The following PLXDC1 variants were observed in gnomAD, a reference collection of about 807,000 sequenced individuals.
The protein encoded by PLXDC1 is plexin domain-containing protein 1.
PLXDC1 carries 39 observed loss-of-function variants against 61.3 expected under a neutral mutation model. That is an observed-to-expected ratio of 0.64 (90% CI 0.49 to 0.83). The LOEUF (loss-of-function observed/expected upper bound fraction) is 0.83. Ranked by LOEUF, PLXDC1 falls within the 40% of genes least tolerant of loss-of-function variation. The pLI, the probability that PLXDC1 is intolerant of heterozygous loss-of-function variation, is 0.00. For missense variants in PLXDC1, 596 were observed against 666.5 expected, an observed-to-expected ratio of 0.89 and a Z score of 1.17; for synonymous variants, 212 against 254.5, an observed-to-expected ratio of 0.83 and a Z score of 1.59.
intron 2 of PLXDC1, among the ~76,000 whole-genome samples, chr17:39,110,741 G>C (rs753640030): frequency 2.6e-5 from 4 of 152,266 alleles, no homozygotes; most frequent in Non-Finnish European, 5.9e-5. Flanking sequence ...CCTGGGCGCA[G>C]CGTGAGCAGG....
Position 39,089,803 on chromosome 17 carries a change from T to A in PLXDC1, c.812-2101A>T, listed in dbSNP as rs151133729. 5.9e-5 allele frequency among the ~76,000 whole-genome samples: 9 copies of A among 152,214 alleles called. No individual in the cohort carries two copies. The East Asian group carries it at 1.7e-3, about 29-fold the overall frequency. On this transcript the variant is annotated intron_variant, in intron 7 of 13. Transcript: ENST00000315392. ...CATGGTTCACATAGTATCTCATTAT[T>A]TATTTACTTATTGAGACTGAGTCTC...
At chr17:39,068,790 G>T (rs141639268) in intron 13 of PLXDC1, among the ~76,000 whole-genome samples, 393 of 152,330 alleles carry the variant, frequency 2.6e-3, no homozygotes, top group Middle Eastern at 0.014. Flanking sequence ...ACTTCAGAAT[G>T]ACTAAGCCTC....
At chr17:39,086,295 C>A (rs1294256798) in intron 8 of PLXDC1, among the ~76,000 whole-genome samples, 1 of 150,864 alleles carries the variant, frequency 6.6e-6, no homozygotes. Flanking sequence ...AGTGTCCCAG[C>A]CCTGTGACCC....
chr17:39,079,490 C>A, intron 9 of PLXDC1: 1 of 478,786 alleles, frequency 2.1e-6, no homozygotes, highest in South Asian at 1.5e-5. Flanking sequence ...AGAATCCAGG[C>A]AATTCACATA....
At chr17:39,072,215 G>A (rs1337665802) in intron 12 of PLXDC1, 1 of 563,910 alleles carries the variant, frequency 1.8e-6, no homozygotes, top group Non-Finnish European at 3.2e-6. Context: ...AAGAACCACA[G>A]GAGGTTCAGG....
At position 39,085,980 on chromosome 17, in the gene PLXDC1, G is replaced by C. The variant is rs371878094; in HGVS notation, c.907+1627C>G. ...TCCTGGGGTATTCATAACACCTACTGACCTTTATTTCTCATCAACATTTCA... is the reference window on the plus strand; with the variant it reads ...TCCTGGGGTATTCATAACACCTACTCACCTTTATTTCTCATCAACATTTCA... On this transcript the variant is annotated intron_variant, in intron 8 of 13. Coordinates refer to ENST00000315392, the MANE Select transcript of PLXDC1 (RefSeq NM_020405.5). 2.6e-5 allele frequency among the ~76,000 whole-genome samples: 4 copies of C among 152,120 alleles called. No homozygotes were observed. In the East Asian group the frequency reaches 7.7e-4, roughly 29 times the overall value.
rs1055375883 is a variant in PLXDC1 at position 39,065,435 on chromosome 17, G to C, written c.*2405C>G. ...TTTTTCGGAGACAGGGTCTCACTCT[G>C]TCACCCAGGCTGGAGTACAGTGGCA... On this transcript the variant is annotated 3_prime_UTR_variant, in exon 14 of 14. Coordinates refer to ENST00000315392, the MANE Select transcript of PLXDC1 (RefSeq NM_020405.5). 8.0e-6 allele frequency: 1 copy of C among 125,236 alleles called. No individual in the cohort carries two copies. Among genetic ancestry groups the C allele is most frequent in the Non-Finnish European group, 1.6e-5 (1 of 62,638 alleles). The allele number at this position is 125,236 out of a possible 1,614,324, so 7.8% of individuals were successfully genotyped here. A position where few individuals can be genotyped will look rare whatever the true frequency, so the allele number is the denominator to read the frequency against.
At chr17:39,146,979 G>A (rs1415127847) in intron 1 of PLXDC1, among the ~76,000 whole-genome samples, 4 of 138,288 alleles carry the variant, frequency 2.9e-5, no homozygotes, top group Non-Finnish European at 4.6e-5. Flanking sequence ...TTTTTGAGAC[G>A]GAGTCTCGCT....
chr17:39,100,164 A>G (rs1287567305), intron 7 of PLXDC1, among the ~76,000 whole-genome samples: 2 of 152,072 alleles, frequency 1.3e-5, no homozygotes, highest in African/African-American at 4.8e-5. Context: ...AACCACATGA[A>G]AGCTCTGAAG....
At chr17:39,100,444 T>A (rs1169105199) in intron 7 of PLXDC1, among the ~76,000 whole-genome samples, 1 of 152,104 alleles carries the variant, frequency 6.6e-6, no homozygotes, top group African/African-American at 2.4e-5. Context: ...TTAGTAAGGA[T>A]GGGGTTTCGA....
intron 7 of PLXDC1, among the ~76,000 whole-genome samples, chr17:39,091,367 G>A (rs1909943587): frequency 6.6e-6 from 1 of 152,158 alleles, no homozygotes; most frequent in African/African-American, 2.4e-5. Flanking sequence ...TTTAGCCTTG[G>A]TCTTCCTTTC....
intron 1 of PLXDC1, 141 bp from the exon 2 acceptor site, chr17:39,139,973 A>C (rs1911882012): frequency 2.5e-6 from 2 of 794,824 alleles, no homozygotes; most frequent in East Asian, 5.4e-5. Context: ...CCAGGACAGG[A>C]GACACCCAAT....
Position 39,151,528 on chromosome 17 carries a change from C to G in PLXDC1, c.-91G>C, listed in dbSNP as rs1038696292. ...GCTCAGGCTGCGGCCGCGCGGTCCC[C>G]GGGGCTGGCGGAGGGGCGGGCGGCG... On this transcript the variant is annotated 5_prime_UTR_variant, in exon 1 of 14. Transcript: ENST00000315392. The surrounding 1 kb of genome is among the most constrained non-coding windows in gnomAD (Gnocchi z 5.2). The G allele has an allele frequency of 1.7e-5, 21 of 1,219,460 alleles. No individual in the cohort carries two copies. The highest frequency in any genetic ancestry group is 2.1e-5 in the Non-Finnish European group (21 of 980,166). 75.5% of individuals were successfully genotyped at this position (1,219,460 alleles called of 1,614,324 possible). A position where few individuals can be genotyped will look rare whatever the true frequency, so the allele number is the denominator to read the frequency against.
rs779404385 is a variant in PLXDC1 at position 39,070,068 on chromosome 17, C to T, written c.1223-52G>A. ...GGGGCTGCAGGGGAGCAGGGAAGGT[C>T]GAACCATGGGGTCTTGGGTTCTAAC... is the stretch of plus-strand genomic sequence containing the variant. On this transcript the variant is annotated intron_variant, in intron 12 of 13. Coordinates refer to ENST00000315392, the MANE Select transcript of PLXDC1 (RefSeq NM_020405.5). The T allele has an allele frequency of 9.7e-6, 14 of 1,448,670 alleles. No homozygotes were observed. The East Asian group carries it at 1.6e-4, about 17-fold the overall frequency. 89.7% of individuals were successfully genotyped at this position (1,448,670 alleles called of 1,614,324 possible).
chr17:39,147,896 C>T (rs1252915240), intron 1 of PLXDC1, among the ~76,000 whole-genome samples: 1 of 152,052 alleles, frequency 6.6e-6, no homozygotes, highest in Non-Finnish European at 1.5e-5. Flanking sequence ...TGGAGACATA[C>T]AAAATGAATC....
chr17:39,087,495 C>T, intron 8 of PLXDC1, 112 bp downstream of exon 8: 3 of 792,368 alleles, frequency 3.8e-6, no homozygotes, highest in Non-Finnish European at 4.2e-6. Flanking sequence ...ATGGAGGGCC[C>T]CGAAAAGTTA....
intron 7 of PLXDC1, 86 bp from the exon 8 acceptor site, chr17:39,087,788 C>A: frequency 6.6e-6 from 6 of 913,440 alleles, no homozygotes; most frequent in Non-Finnish European, 8.7e-6. Context: ...GACAGGTCAG[C>A]CTGCTGCACT....
In PLXDC1 at chr17:39,151,577, G is replaced by A. The variant is rs1001511005; in HGVS notation, c.-140C>T. On this transcript the variant is annotated 5_prime_UTR_variant, in exon 1 of 14. Transcript: ENST00000315392. The surrounding 1 kb of genome is among the most constrained non-coding windows in gnomAD (Gnocchi z 5.2). ...CGAGGAGACGGCGGAGCGCGGGGCC[G>A]GGCGAGCCGGCAGGAGCGGCGAGAG... 1.6e-5 allele frequency: 19 copies of A among 1,183,088 alleles called. No individual in the cohort carries two copies. Among genetic ancestry groups the A allele is most frequent in the Admixed American group, 4.5e-5 (1 of 21,994 alleles). 73.3% of individuals were successfully genotyped at this position (1,183,088 alleles called of 1,614,324 possible).
chr17:39,106,536 G>T (rs1333602972), intron 6 of PLXDC1, among the ~76,000 whole-genome samples: 2 of 151,136 alleles, frequency 1.3e-5, no homozygotes, highest in East Asian at 1.9e-4. Context: ...CTCCAGACTG[G>T]TCTTGAACTT....
Sources: gnomAD v4.1 joint callset for allele counts (sites outside exome capture counted in the v4.1 genomes callset) on GRCh38, gnomAD v4.1.1 for gene constraint, Gnocchi (gnomAD v3.1) non-coding constraint, MANE v1.5 for transcripts, NCBI Gene and HGNC (gene_info 2026-07-23, HGNC 2026-07-21) for gene names.